The following FCGRT variants were observed in gnomAD, a reference collection of about 807,000 sequenced individuals.
The protein encoded by FCGRT is Fc gamma receptor and transporter.
Under a neutral mutation model 35.7 loss-of-function variants are expected in FCGRT, and 13 were observed. The observed-to-expected ratio is 0.36, with a 90% CI of 0.24 to 0.58. The LOEUF (loss-of-function observed/expected upper bound fraction) is 0.58. FCGRT is among the 20% of genes least tolerant of loss of function. The pLI, the probability that FCGRT is intolerant of heterozygous loss-of-function variation, is 0.77. For missense variants in FCGRT, 455 were observed against 474.9 expected, an observed-to-expected ratio of 0.96 and a Z score of 0.39; for synonymous variants, 233 against 216.5, an observed-to-expected ratio of 1.08 and a Z score of -0.67.
intron 4 of FCGRT, among the ~76,000 whole-genome samples, chr19:49,524,107 C>T (rs934040730): frequency 6.6e-6 from 1 of 151,582 alleles, no homozygotes; most frequent in African/African-American, 2.4e-5. Context: ...CAACATCTGC[C>T]TCCCAGGTTC....
At position 49,526,413 on chromosome 19, in the gene FCGRT, C is replaced by T. The variant is rs2080078150; in HGVS notation, c.*294C>T. ...ACTGAATGGCGGCTGGGCCTCGGAT[C>T]TCTCCTACAGGTAACATGCTGCCAC... On this transcript the variant is annotated 3_prime_UTR_variant, in exon 7 of 7. Coordinates refer to ENST00000221466, the MANE Select transcript of FCGRT (RefSeq NM_001136019.3). 1.1e-5 allele frequency: 5 copies of T among 446,394 alleles called. No homozygotes were observed. In the East Asian group the frequency reaches 2.3e-4, roughly 20 times the overall value. 27.7% of individuals were successfully genotyped at this position (446,394 alleles called of 1,614,324 possible). A position where few individuals can be genotyped will look rare whatever the true frequency, so the allele number is the denominator to read the frequency against.
chr19:49,517,415 C>T (rs1184162868), intron 4 of FCGRT, among the ~76,000 whole-genome samples: 1 of 151,630 alleles, frequency 6.6e-6, no homozygotes, highest in African/African-American at 2.4e-5. Context: ...CACTTGATCC[C>T]GGGAAGCAGA....
At chr19:49,522,653 C>T (rs4802615) in intron 4 of FCGRT, among the ~76,000 whole-genome samples, 12,757 of 151,160 alleles carry the variant, frequency 0.084, 755 homozygotes, top group Non-Finnish European at 0.12. Context: ...AGGCTGGTCT[C>T]GACCTCCTGA....
At position 49,513,435 on chromosome 19, in the gene FCGRT, G is replaced by A; in HGVS notation, c.35G>A (p.Gly12Glu). 8.0e-7 allele frequency: 1 copy of A among 1,245,594 alleles called. No individual in the cohort carries two copies. Among genetic ancestry groups the A allele is most frequent in the Non-Finnish European group, 1.0e-6 (1 of 988,160 alleles). The allele number at this position is 1,245,594 out of a possible 1,614,324, so 77.2% of individuals were successfully genotyped here. A position where few individuals can be genotyped will look rare whatever the true frequency, so the allele number is the denominator to read the frequency against. Residue 12 changes from glycine to glutamate, a missense_variant, in exon 2 of 7, where the codon GGG becomes GAG. Physicochemically the swap from Gly to Glu is moderately conservative, Grantham distance 98. Transcript: ENST00000221466. ...GVPRPQPWALGLLLFLLPGSL... is the reference protein window; with the variant it reads ...GVPRPQPWALELLLFLLPGSL... The stretch of plus-strand genomic sequence containing the variant: ...CCGCGGCCTCAGCCCTGGGCGCTGG[G>A]GCTCCTGCTCTTTCTCCTTCCTGGG...
At chr19:49,525,858 G>C (rs991444052) in intron 6 of FCGRT, 152 bp from the exon 7 acceptor site, 1 of 730,860 alleles carries the variant, frequency 1.4e-6, no homozygotes, top group African/African-American at 1.7e-5. Flanking sequence ...GAGGGGGGAC[G>C]GAAAATTGGG....
chr19:49,513,730 G>GCTCTCTCTCTC lies in FCGRT; in HGVS notation c.74-152_74-151insCTCTCTCTCTC, dbSNP rs1568698410. The GCTCTCTCTCTC allele has an allele frequency of 1.1e-5, 6 of 527,424 alleles. No homozygotes were observed. The African/African-American group carries it at 2.1e-4, about 19-fold the overall frequency. The allele number at this position is 527,424 out of a possible 1,614,324, so 32.7% of individuals were successfully genotyped here. ...GGGTCTCTTGTCTCTCTCTCTCTGG[G>GCTCTCTCTCTC]TCTCTGTCCCCCCCCCCCCGGGTTT... On this transcript the variant is annotated intron_variant, in intron 2 of 6. Transcript: ENST00000221466.
At position 49,526,402 on chromosome 19, in the gene FCGRT, G is replaced by A; in HGVS notation, c.*283G>A. On this transcript the variant is annotated 3_prime_UTR_variant, in exon 7 of 7. Coordinates refer to ENST00000221466, the MANE Select transcript of FCGRT (RefSeq NM_001136019.3). ...TAAGTCGGGGGACTGAATGGCGGCT[G>A]GGCCTCGGATCTCTCCTACAGGTAA... 2.2e-6 allele frequency: 1 copy of A among 458,238 alleles called. No homozygotes were observed. Among genetic ancestry groups the A allele is most frequent in the South Asian group, 2.5e-5 (1 of 40,124 alleles). 28.4% of individuals were successfully genotyped at this position (458,238 alleles called of 1,614,324 possible).
chr19:49,513,847 C>T (rs1244893975), intron 2 of FCGRT, 35 bp from the exon 3 acceptor site: 4 of 1,548,414 alleles, frequency 2.6e-6, no homozygotes, highest in East Asian at 2.3e-5. Flanking sequence ...AGTTCCCCGC[C>T]CGTGTGCTCC....
chr19:49,516,308 T>A (rs1352989824), intron 4 of FCGRT: 2 of 359,028 alleles, frequency 5.6e-6, no homozygotes, highest in Admixed American at 7.5e-5. Context: ...AATGGCGCGA[T>A]CTCGGCTCAC....
chr19:49,520,386 C>T (rs1434353798), intron 4 of FCGRT, among the ~76,000 whole-genome samples: 3 of 143,096 alleles, frequency 2.1e-5, no homozygotes, highest in Non-Finnish European at 4.5e-5. Flanking sequence ...ACTCTTATTG[C>T]GCAGGCTGGA....
At chr19:49,525,168 A>T in intron 5 of FCGRT, 1 of 508,884 alleles carries the variant, frequency 2.0e-6, no homozygotes, top group Non-Finnish European at 3.7e-6. Context: ...GGCCCATGAG[A>T]CTGACTTCCC....
intron 5 of FCGRT, 53 bp from the exon 6 acceptor site, chr19:49,525,393 TCTGTGTCCTGA>T: frequency 8.1e-7 from 1 of 1,235,644 alleles, no homozygotes; most frequent in East Asian, 2.3e-5. Context: ...GCGCCCCAGT[TCTGTGTCCTGA>T]CTGGGTGGGG....
rs774053349 is a variant in FCGRT at position 49,513,941 on chromosome 19, C to T, written c.133C>T (p.Pro45Ser). The change falls in exon 3 of 7, where the codon CCT (proline) becomes TCT (serine). Residue 45 changes from proline to serine, a missense_variant. Physicochemically the swap from Pro to Ser is moderately conservative, Grantham distance 74. This residue lies in a region of FCGRT where 136 missense variants were observed against 158.9 expected (regional missense o/e 0.86). Transcript: ENST00000221466. The stretch of plus-strand genomic sequence containing the variant: ...GGTGTCCTCGCCTGCCCCGGGGACT[C>T]CTGCCTTCTGGGTGTCCGGCTGGCT... ...TAVSSPAPGT[P>S]AFWVSGWLGP... is the part of the protein sequence containing the mutation. 13 of 1,613,880 alleles carry T rather than the reference C, an allele frequency of 8.1e-6. No individual in the cohort carries two copies. The highest frequency in any genetic ancestry group is 9.3e-6 in the Non-Finnish European group (11 of 1,179,936).
At chr19:49,517,396 C>G (rs545689054) in intron 4 of FCGRT, among the ~76,000 whole-genome samples, 2 of 151,954 alleles carry the variant, frequency 1.3e-5, no homozygotes, top group East Asian at 3.9e-4. Flanking sequence ...GAGGCTGAGG[C>G]AGGAGAATCA....
At chr19:49,514,934 C>T (rs564477851) in intron 4 of FCGRT, among the ~76,000 whole-genome samples, 6 of 151,680 alleles carry the variant, frequency 4.0e-5, no homozygotes, top group Non-Finnish European at 7.4e-5. Flanking sequence ...TCAGGTGATC[C>T]GCCCACCTCA....
At chr19:49,520,974 C>T (rs1215317871) in intron 4 of FCGRT, 2 of 152,318 alleles carry the variant, frequency 1.3e-5, no homozygotes, top group Non-Finnish European at 2.9e-5. Flanking sequence ...CCAGCCAAGA[C>T]CCACGATTGC....
At chr19:49,513,343 C>CGGGCCGGGGGGGGGGGGGTG in intron 1 of FCGRT, 44 bp from the exon 2 acceptor site, 1 of 971,156 alleles carries the variant, frequency 1.0e-6, no homozygotes, top group Non-Finnish European at 1.3e-6. Context: ...GAGGAAGGGG[C>CGGGCCGGGGGGGGGGGGGTG]GGGCCGGGGG....
intron 1 of FCGRT, chr19:49,513,136 G>C (rs1466802562): frequency 6.7e-6 from 2 of 299,900 alleles, no homozygotes; most frequent in African/African-American, 2.2e-5. Flanking sequence ...TGGGGCCTGA[G>C]GGGGGCGGAA....
intron 4 of FCGRT, among the ~76,000 whole-genome samples, chr19:49,516,628 C>A (rs1316876757): frequency 3.3e-5 from 5 of 151,228 alleles, no homozygotes; most frequent in African/African-American, 9.7e-5. Flanking sequence ...GCAATCTTGG[C>A]TCACTGCAAC....
Sources: allele counts gnomAD v4.1 joint callset (sites outside exome capture counted in the v4.1 genomes callset), GRCh38; gene constraint gnomAD v4.1.1; regional missense constraint gnomAD v4.1.1; transcripts MANE v1.5; gene names NCBI Gene and HGNC (gene_info 2026-07-23, HGNC 2026-07-21).